CNTN4: variants seen among roughly 807,000 people sequenced by gnomAD.
CNTN4 encodes contactin-4.
In CNTN4, 77 loss-of-function variants were observed where a neutral mutation model predicts 122.5. The observed-to-expected ratio is 0.63, with a 90% confidence interval of 0.52 to 0.76. The LOEUF (loss-of-function observed/expected upper bound fraction) is 0.76. CNTN4 is among the 30% of genes least tolerant of loss of function. The probability of loss-of-function intolerance (pLI) is 0.00; values close to 1 mark genes in which losing one functional copy is unlikely to be tolerated. For synonymous variants in CNTN4, 512 were observed against 447.0 expected (o/e 1.15, Z -1.83); for missense variants, 1,256 against 1,259.1 (o/e 1.00, Z 0.04).
chr3:2,694,092 G>T (rs2085888918), intron 4 of CNTN4, among the ~76,000 whole-genome samples: 1 of 151,984 alleles, frequency 6.6e-6, no homozygotes. Context: ...GGATGCCTTT[G>T]CCCAAGTCTT....
chr3:2,910,737 C>T (rs1035057029), intron 12 of CNTN4, among the ~76,000 whole-genome samples: 5 of 152,192 alleles, frequency 3.3e-5, no homozygotes, highest in Non-Finnish European at 7.3e-5. Context: ...CCCTCCACCA[C>T]CTTCTGGCAA....
chr3:2,154,060 T>G (rs1281911043), intron 2 of CNTN4, among the ~76,000 whole-genome samples: 2 of 152,288 alleles, frequency 1.3e-5, no homozygotes, highest in Non-Finnish European at 2.9e-5. Context: ...TTCTGTTATT[T>G]TTTTAAATAA....
In CNTN4 at chr3:2,709,040, C is replaced by G. The variant is rs1329048585; in HGVS notation, c.56-27175C>G. Among the ~76,000 whole-genome samples, 3 of 152,078 alleles carry G rather than the reference C, an allele frequency of 2.0e-5. No individual in the cohort carries two copies. The highest frequency in any genetic ancestry group is 7.2e-5 in the African/African-American group (3 of 41,420). ...CTTCAGAATACATGATATATCTCTT[C>G]TCAGATATCTCATAGACCATCCCCC... On this transcript the variant is annotated intron_variant, in intron 4 of 24. Coordinates refer to ENST00000418658, the MANE Select transcript of CNTN4 (RefSeq NM_175607.3). This position sits in a 1 kb window ranked among gnomAD's most constrained non-coding sequence, Gnocchi z 5.0.
At chr3:2,932,502 A>C (rs1289525865) in intron 13 of CNTN4, among the ~76,000 whole-genome samples, 4 of 152,190 alleles carry the variant, frequency 2.6e-5, no homozygotes, top group Non-Finnish European at 5.9e-5. Flanking sequence ...CTCATTCTGG[A>C]GGCTCTAGGG....
intron 8 of CNTN4, chr3:2,882,925 C>G (rs1346990021): frequency 6.3e-6 from 3 of 476,002 alleles, no homozygotes; most frequent in Admixed American, 6.4e-5. Flanking sequence ...GAATTTAATC[C>G]AGGCAAATGG....
intron 7 of CNTN4, among the ~76,000 whole-genome samples, chr3:2,838,440 A>T (rs2093279066): frequency 6.6e-6 from 1 of 152,088 alleles, no homozygotes; most frequent in Non-Finnish European, 1.5e-5. Flanking sequence ...GCATTCCAGG[A>T]TAAATTAATT....
At chr3:2,929,946 C>T (rs905190043) in intron 13 of CNTN4, among the ~76,000 whole-genome samples, 2 of 152,188 alleles carry the variant, frequency 1.3e-5, no homozygotes, top group African/African-American at 4.8e-5. Flanking sequence ...ATCTTCCATG[C>T]CAGGGCAGGG....
At chr3:2,392,319 C>T (rs945034018) in intron 3 of CNTN4, among the ~76,000 whole-genome samples, 5 of 152,120 alleles carry the variant, frequency 3.3e-5, no homozygotes, top group Admixed American at 2.0e-4. Flanking sequence ...CTTGTTTTCT[C>T]CTGGCTTTAG....
At chr3:2,386,152 C>G (rs1423007606) in intron 3 of CNTN4, among the ~76,000 whole-genome samples, 3 of 152,054 alleles carry the variant, frequency 2.0e-5, no homozygotes, top group Non-Finnish European at 4.4e-5. Context: ...ATCTCATTGC[C>G]TTACATGGTT....
chr3:2,500,783 C>T (rs1265659088), intron 3 of CNTN4, among the ~76,000 whole-genome samples: 2 of 151,714 alleles, frequency 1.3e-5, no homozygotes, highest in Admixed American at 6.6e-5. Context: ...GTATAAATTC[C>T]ACATACTGAA....
chr3:2,895,834 A>C (rs550196212), intron 10 of CNTN4, among the ~76,000 whole-genome samples: 3 of 152,192 alleles, frequency 2.0e-5, no homozygotes, highest in Non-Finnish European at 2.9e-5. Context: ...GGAGATCGAG[A>C]CCATCCTGGC....
intron 2 of CNTN4, among the ~76,000 whole-genome samples, chr3:2,218,255 A>G (rs553890196): frequency 1.4e-4 from 22 of 152,344 alleles, no homozygotes; most frequent in African/African-American, 5.3e-4. Flanking sequence ...GTAGTAACAG[A>G]TGAATTAAAA....
chr3:2,525,858 A>T (rs754684798), intron 3 of CNTN4, among the ~76,000 whole-genome samples: 1 of 152,144 alleles, frequency 6.6e-6, no homozygotes, highest in South Asian at 2.1e-4. Flanking sequence ...TTTTATATAT[A>T]CATATGTGCT....
chr3:2,678,618 C>T (rs1474994021), intron 4 of CNTN4, among the ~76,000 whole-genome samples: 3 of 152,182 alleles, frequency 2.0e-5, no homozygotes, highest in African/African-American at 7.2e-5. Flanking sequence ...TACCTTTCTG[C>T]TTTATTTCCT....
chr3:3,033,864 C>T (rs1400909564), intron 16 of CNTN4, among the ~76,000 whole-genome samples: 2 of 152,118 alleles, frequency 1.3e-5, no homozygotes, highest in Non-Finnish European at 2.9e-5. Flanking sequence ...CTCCCCTTTC[C>T]ATGGTTTAAG....
rs575126560 is a variant in CNTN4, at chr3:2,751,237, G to C, written c.358+5540G>C. ...GCAGGAGAATGGCTTGAACCTGGGAGGCAGAGCTTGCTGTGAGCCGAGATC... is the reference window on the plus strand; with the variant it reads ...GCAGGAGAATGGCTTGAACCTGGGACGCAGAGCTTGCTGTGAGCCGAGATC... On this transcript the variant is annotated intron_variant, in intron 6 of 24. Transcript: ENST00000418658. 1.4e-3 allele frequency among the ~76,000 whole-genome samples: 214 copies of C among 151,698 alleles called. 1 individual carries two copies. The highest frequency in any genetic ancestry group is 5.0e-3 in the African/African-American group (208 of 41,302).
At chr3:2,629,221 G>T (rs111867250) in intron 4 of CNTN4, among the ~76,000 whole-genome samples, 6 of 152,148 alleles carry the variant, frequency 3.9e-5, no homozygotes, top group African/African-American at 1.4e-4. Context: ...GGCCCTGTGG[G>T]GACACAAAGA....
intron 4 of CNTN4, among the ~76,000 whole-genome samples, chr3:2,627,737 C>T (rs529813920): frequency 1.3e-5 from 2 of 152,190 alleles, no homozygotes; most frequent in Non-Finnish European, 2.9e-5. Flanking sequence ...TTGTGATCTG[C>T]CCGCCTCGGC....
In CNTN4 at chr3:2,887,240, C is replaced by A. The variant is rs371875157; in HGVS notation, c.940+16C>A. ...ACTTTCTATGGTAAGTGTATGATTT[C>A]AGTTTATCATTTATAGTGCTACAGA... On this transcript the variant is annotated intron_variant, in intron 10 of 24. Coordinates refer to ENST00000418658, the MANE Select transcript of CNTN4 (RefSeq NM_175607.3). The A allele has an allele frequency of 1.0e-5, 16 of 1,607,954 alleles. No individual in the cohort carries two copies. Among genetic ancestry groups the A allele is most frequent in the Non-Finnish European group, 1.3e-5 (15 of 1,177,686 alleles).
Sources: allele counts gnomAD v4.1 joint callset (sites outside exome capture counted in the v4.1 genomes callset), GRCh38; gene constraint gnomAD v4.1.1; non-coding constraint Gnocchi (gnomAD v3.1); transcripts MANE v1.5; gene names NCBI Gene and HGNC (gene_info 2026-07-23, HGNC 2026-07-21).